The following EPB41L2 variants were observed in gnomAD, a reference collection of about 807,000 sequenced individuals.
EPB41L2 encodes band 4.1-like protein 2.
A neutral mutation model predicts 113.0 loss-of-function variants in EPB41L2; 43 were observed. That is an observed-to-expected ratio of 0.38 (90% CI 0.30 to 0.49). EPB41L2 has a LOEUF of 0.49. EPB41L2 is among the 20% of genes least tolerant of loss of function. The probability of loss-of-function intolerance (pLI) is 0.95; values close to 1 mark genes in which losing one functional copy is unlikely to be tolerated. For missense variants in EPB41L2, 1,147 were observed against 1,223.4 expected, an observed-to-expected ratio of 0.94 and a Z score of 0.93; for synonymous variants, 442 against 436.7, an observed-to-expected ratio of 1.01 and a Z score of -0.15.
At position 130,870,093 on chromosome 6, in the gene EPB41L2, T is replaced by C. The variant is rs1162442709; in HGVS notation, c.2077A>G (p.Lys693Glu). ...TCTTTCCCAACCTCTGCCCGCTTCT[T>C]CTCCTCCACTATATTCAGAGTCTCA... ...SHETLNIVEE[K>E]KRAEVGKDER... is the part of the protein sequence containing the mutation. The change falls in exon 15 of 20, where the codon AAG (lysine) becomes GAG (glutamate). Residue 693 changes from lysine to glutamate, a missense_variant. Transcript: ENST00000337057. 1.2e-6 allele frequency: 2 copies of C among 1,613,440 alleles called. No individual in the cohort carries two copies. The highest frequency in any genetic ancestry group is 2.2e-5 in the South Asian group (2 of 90,998).
At chr6:131,010,645 T>TCA (rs1166145119) in intron 1 of EPB41L2, among the ~76,000 whole-genome samples, 1 of 152,128 alleles carries the variant, frequency 6.6e-6, no homozygotes, top group Non-Finnish European at 1.5e-5. Context: ...ACTCCTGACC[T>TCA]CAAGTGATCC....
intron 1 of EPB41L2, among the ~76,000 whole-genome samples, chr6:131,045,800 T>C (rs1239910737): frequency 1.3e-5 from 2 of 152,108 alleles, no homozygotes; most frequent in Non-Finnish European, 2.9e-5. Context: ...CTGGCAAAAA[T>C]ATCTTGCATA....
intron 1 of EPB41L2, among the ~76,000 whole-genome samples, chr6:131,046,024 G>A (rs1015309954): frequency 1.4e-5 from 2 of 145,054 alleles, no homozygotes; most frequent in Non-Finnish European, 3.0e-5. Context: ...ATAGCTCACT[G>A]TAGCCTCCAT....
intron 1 of EPB41L2, among the ~76,000 whole-genome samples, chr6:131,044,306 A>AT (rs1253477320): frequency 6.6e-6 from 1 of 152,156 alleles, no homozygotes; most frequent in African/African-American, 2.4e-5. Context: ...GATCACAGGC[A>AT]TGAGCCACAG....
At chr6:130,947,242 C>T (rs1464477555) in intron 3 of EPB41L2, among the ~76,000 whole-genome samples, 2 of 152,074 alleles carry the variant, frequency 1.3e-5, no homozygotes, top group Non-Finnish European at 2.9e-5. Context: ...TCCCTGTAAG[C>T]CAAGCTATCA....
intron 1 of EPB41L2, among the ~76,000 whole-genome samples, chr6:130,958,503 C>T (rs1277911901): frequency 6.7e-6 from 1 of 149,044 alleles, no homozygotes; most frequent in East Asian, 1.9e-4. Flanking sequence ...AGGACTTAAG[C>T]CAGGTTAGGA....
intron 3 of EPB41L2, among the ~76,000 whole-genome samples, chr6:130,933,145 G>A (rs1382497617): frequency 6.6e-6 from 1 of 152,114 alleles, no homozygotes; most frequent in African/African-American, 2.4e-5. Context: ...AAGGACAGGG[G>A]GTTTCCTAGT....
chr6:130,932,404 AT>A (rs1222761795), intron 3 of EPB41L2, among the ~76,000 whole-genome samples: 1 of 152,180 alleles, frequency 6.6e-6, no homozygotes, highest in Non-Finnish European at 1.5e-5. Flanking sequence ...AAATATACAC[AT>A]AATTTTGCTT....
intron 19 of EPB41L2, among the ~76,000 whole-genome samples, chr6:130,848,683 A>G (rs1036311482): frequency 1.3e-5 from 2 of 152,208 alleles, no homozygotes; most frequent in African/African-American, 4.8e-5. Context: ...GAAAGCATCA[A>G]TATGTCCTTG....
At chr6:130,912,205 C>T (rs544291102) in intron 4 of EPB41L2, among the ~76,000 whole-genome samples, 4 of 152,168 alleles carry the variant, frequency 2.6e-5, no homozygotes, top group South Asian at 2.1e-4. Context: ...TCCACAAAAC[C>T]GGTCCCTGTT....
In EPB41L2 at chr6:130,840,509, C is replaced by T. The variant is rs1455693849; in HGVS notation, c.*95G>A. 4 of 151,064 alleles carry T rather than the reference C, an allele frequency of 2.6e-5. No individual in the cohort carries two copies. The South Asian group carries it at 6.3e-4, about 24-fold the overall frequency. 9.4% of individuals were successfully genotyped at this position (151,064 alleles called of 1,614,324 possible). On this transcript the variant is annotated 3_prime_UTR_variant, in exon 20 of 20. Transcript: ENST00000337057. ...ATTGTTACCAGTTGTAGCATAAATT[C>T]GCTGGAATAGTGGTGTGGCATTAAG...
At chr6:131,006,745 T>TCTA (rs1199979989) in intron 1 of EPB41L2, among the ~76,000 whole-genome samples, 1 of 152,048 alleles carries the variant, frequency 6.6e-6, no homozygotes, top group Admixed American at 6.6e-5. Context: ...GTCATGACTC[T>TCTA]CTAATACTAG....
At chr6:130,865,153 A>C (rs548866017) in intron 17 of EPB41L2, among the ~76,000 whole-genome samples, 6 of 152,348 alleles carry the variant, frequency 3.9e-5, no homozygotes, top group African/African-American at 1.4e-4. Flanking sequence ...ATTCTACATT[A>C]TTTGAACAAC....
intron 3 of EPB41L2, among the ~76,000 whole-genome samples, chr6:130,941,706 T>C (rs559280908): frequency 6.6e-6 from 1 of 152,286 alleles, no homozygotes; most frequent in South Asian, 2.1e-4. Flanking sequence ...TTCCTCTCTG[T>C]GCAAATAACC....
intron 10 of EPB41L2, among the ~76,000 whole-genome samples, chr6:130,893,050 C>CT (rs1194272351): frequency 6.6e-6 from 1 of 152,000 alleles, no homozygotes; most frequent in Non-Finnish European, 1.5e-5. Flanking sequence ...GATAAGCAAA[C>CT]TACATGTAAA....
intron 1 of EPB41L2, among the ~76,000 whole-genome samples, chr6:131,023,575 T>C (rs150486722): frequency 0.025 from 3,809 of 151,854 alleles, 48 homozygotes; most frequent in Non-Finnish European, 0.036. Context: ...ATCCCAGCTA[T>C]TCAGGAGGCT....
intron 1 of EPB41L2, among the ~76,000 whole-genome samples, chr6:130,980,913 G>T (rs941200279): frequency 6.6e-6 from 1 of 151,908 alleles, no homozygotes; most frequent in Non-Finnish European, 1.5e-5. Context: ...TCAGCTTATC[G>T]GACATTCATT....
Position 130,850,458 on chromosome 6 carries a change from TGATGAG to T in EPB41L2, c.*5+7667_*5+7672del, listed in dbSNP as rs540260573. Among the ~76,000 whole-genome samples, 275 of 152,060 alleles carry T rather than the reference TGATGAG, an allele frequency of 1.8e-3. 3 individuals are homozygous for T. Among genetic ancestry groups the T allele is most frequent in the Middle Eastern group, 6.8e-3 (2 of 294 alleles). Reference sequence around the variant, plus strand: ...CATCCATTCAACAGCTGCTGAAAAATGATGAGGTAACGACAAGGACCAATAACTATA... The same window carrying T: ...CATCCATTCAACAGCTGCTGAAAAATGTAACGACAAGGACCAATAACTATA... On this transcript the variant is annotated intron_variant, in intron 19 of 19. Transcript: ENST00000337057.
chr6:130,885,089 A>G lies in EPB41L2; in HGVS notation c.1833+7T>C, dbSNP rs372013398. The G allele has an allele frequency of 6.2e-6, 10 of 1,613,866 alleles. No homozygotes were observed. The South Asian group carries it at 6.6e-5, about 11-fold the overall frequency. ...TTAAAACCACATACTGTGCTAATTT[A>G]CCATACCTTTCCTTCAATGAGCTGC... On this transcript the variant is annotated splice_region_variant and intron_variant, in intron 12 of 19. Coordinates refer to ENST00000337057, the MANE Select transcript of EPB41L2 (RefSeq NM_001431.4).
Sources: gnomAD v4.1 joint callset for allele counts (sites outside exome capture counted in the v4.1 genomes callset) on GRCh38, gnomAD v4.1.1 for gene constraint, MANE v1.5 for transcripts, NCBI Gene and HGNC (gene_info 2026-07-23, HGNC 2026-07-21) for gene names.